CFAP20DC: variants seen among roughly 807,000 people sequenced by gnomAD.
CFAP20DC encodes the protein CFAP20 domain containing.
Under a neutral mutation model 101.7 loss-of-function variants are expected in CFAP20DC, and 84 were observed. The observed-to-expected ratio is 0.83, with a 90% CI of 0.69 to 0.99. The LOEUF (loss-of-function observed/expected upper bound fraction) is 0.99. Among genes scored for constraint, CFAP20DC ranks in the 50% least tolerant of loss-of-function variants. The pLI, the probability that CFAP20DC is intolerant of heterozygous loss-of-function variation, is 0.00. For synonymous variants in CFAP20DC, 359 were observed against 351.2 expected, an observed-to-expected ratio of 1.02 and a Z score of -0.25; for missense variants, 1,007 against 970.3, an observed-to-expected ratio of 1.04 and a Z score of -0.50.
chr3:58,756,279 C>T (rs1477208447), intron 15 of CFAP20DC, among the ~76,000 whole-genome samples: 3 of 152,086 alleles, frequency 2.0e-5, no homozygotes, highest in African/African-American at 7.2e-5. Flanking sequence ...TACCTACTTC[C>T]TGAATTATGG....
intron 13 of CFAP20DC, among the ~76,000 whole-genome samples, chr3:58,842,530 G>C (rs543680450): frequency 3.3e-5 from 5 of 151,508 alleles, no homozygotes; most frequent in South Asian, 2.1e-4. Flanking sequence ...ACGGAATCTC[G>C]CTGATTGCTA....
intron 5 of CFAP20DC, among the ~76,000 whole-genome samples, chr3:58,936,723 A>G (rs1033558559): frequency 6.6e-6 from 1 of 152,182 alleles, no homozygotes; most frequent in African/African-American, 2.4e-5. Context: ...GAATTGAACA[A>G]TGAGAACACA....
At chr3:59,035,592 C>T (rs1387629137) in intron 4 of CFAP20DC, among the ~76,000 whole-genome samples, 1 of 152,150 alleles carries the variant, frequency 6.6e-6, no homozygotes, top group Non-Finnish European at 1.5e-5. Flanking sequence ...ACTAGAAAAT[C>T]TAGAAGAAAT....
intron 15 of CFAP20DC, among the ~76,000 whole-genome samples, chr3:58,760,833 A>C (rs2069499324): frequency 6.6e-6 from 1 of 152,230 alleles, no homozygotes; most frequent in Non-Finnish European, 1.5e-5. Context: ...ATGCTGGATT[A>C]CATTTATTTA....
chr3:58,946,043 CTTACAG>C (rs2089310847), intron 4 of CFAP20DC, among the ~76,000 whole-genome samples: 1 of 150,798 alleles, frequency 6.6e-6, no homozygotes. Context: ...CCTTTGGTTT[CTTACAG>C]TTACAAAGTT....
intron 12 of CFAP20DC, among the ~76,000 whole-genome samples, chr3:58,852,554 C>G (rs907502599): frequency 7.2e-5 from 11 of 151,996 alleles, no homozygotes; most frequent in African/African-American, 2.7e-4. Flanking sequence ...CAGCACCACA[C>G]CTATTCCAAA....
rs1272790785 is a variant in CFAP20DC, at chr3:58,862,120, T to C, written c.1593+1438A>G. On this transcript the variant is annotated intron_variant, in intron 12 of 16. Coordinates refer to ENST00000482387, the MANE Select transcript of CFAP20DC (RefSeq NM_001394063.1). Reference sequence around the variant, plus strand: ...TATTTAAAGGGCAGATTATCCATAATACTTCTCTCATAGTTTTCCAGAGAA... The same window carrying C: ...TATTTAAAGGGCAGATTATCCATAACACTTCTCTCATAGTTTTCCAGAGAA... The C allele has an allele frequency of 1.4e-5, 13 of 942,766 alleles. No homozygotes were observed. In the Middle Eastern group the frequency reaches 1.6e-3, roughly 119 times the overall value. 58.4% of individuals were successfully genotyped at this position (942,766 alleles called of 1,614,324 possible).
intron 6 of CFAP20DC, among the ~76,000 whole-genome samples, chr3:58,910,656 A>G (rs1201378729): frequency 6.6e-6 from 1 of 152,044 alleles, no homozygotes; most frequent in Non-Finnish European, 1.5e-5. Context: ...GAATTTTGGG[A>G]AATCTTATAT....
rs915455121 is a variant in CFAP20DC, at chr3:59,001,352, T to C, written c.278+38205A>G. ...TAGAGGAAAGGGGGTGGTAATCTTA[T>C]GCTTAGGAGTTTGGCCTTTGAAACA... On this transcript the variant is annotated intron_variant, in intron 4 of 16. Coordinates refer to ENST00000482387, the MANE Select transcript of CFAP20DC (RefSeq NM_001394063.1). The surrounding 1 kb of genome is among the most constrained non-coding windows in gnomAD (Gnocchi z 4.5). Among the ~76,000 whole-genome samples the C allele has an allele frequency of 1.3e-5, 2 of 152,132 alleles. No individual in the cohort carries two copies. The highest frequency in any genetic ancestry group is 4.8e-5 in the African/African-American group (2 of 41,420).
chr3:58,789,318 T>TTTA lies in CFAP20DC; in HGVS notation c.2237+17076_2237+17077insTAA, dbSNP rs200662975. Among the ~76,000 whole-genome samples the TTTA allele has an allele frequency of 9.9e-3, 1,505 of 152,286 alleles. 24 individuals carry two copies. Among genetic ancestry groups the TTTA allele is most frequent in the African/African-American group, 0.035 (1,455 of 41,568 alleles). ...CTTTCTGTGGAATGATGGGACTTAA[T>TTTA]GGTGCAGAAAGAGTAGGTGGGATTT... On this transcript the variant is annotated intron_variant, in intron 15 of 16. Transcript: ENST00000482387.
intron 4 of CFAP20DC, among the ~76,000 whole-genome samples, chr3:59,029,005 CT>C (rs2093941309): frequency 6.6e-6 from 1 of 152,168 alleles, no homozygotes; most frequent in African/African-American, 2.4e-5. Flanking sequence ...TTAGTTCCCC[CT>C]AATACTTCAT....
chr3:58,861,789 T>C lies in CFAP20DC; in HGVS notation c.1593+1769A>G. On this transcript the variant is annotated intron_variant, in intron 12 of 16. Coordinates refer to ENST00000482387, the MANE Select transcript of CFAP20DC (RefSeq NM_001394063.1). The surrounding 1 kb of genome is among the most constrained non-coding windows in gnomAD (Gnocchi z 4.0). The stretch of plus-strand genomic sequence containing the variant: ...AATGGGATGGTCTCACCACAGACTC[T>C]AGCCGTATGCTACTGGTCACCTTGA... 3.0e-6 allele frequency: 3 copies of C among 985,458 alleles called. No homozygotes were observed. Among genetic ancestry groups the C allele is most frequent in the Non-Finnish European group, 3.6e-6 (3 of 829,948 alleles). The allele number at this position is 985,458 out of a possible 1,614,324, so 61.0% of individuals were successfully genotyped here. A position where few individuals can be genotyped will look rare whatever the true frequency, so the allele number is the denominator to read the frequency against.
At chr3:58,814,611 T>C (rs947635493) in intron 14 of CFAP20DC, among the ~76,000 whole-genome samples, 4 of 151,302 alleles carry the variant, frequency 2.6e-5, no homozygotes, top group East Asian at 1.9e-4. Context: ...GAAAACCCCA[T>C]TGTCTCAGCC....
intron 14 of CFAP20DC, among the ~76,000 whole-genome samples, chr3:58,815,236 T>C (rs527242226): frequency 2.0e-5 from 3 of 151,412 alleles, no homozygotes; most frequent in Non-Finnish European, 2.9e-5. Context: ...TTGACAAACC[T>C]GAGAAAAACA....
chr3:59,008,611 C>CA (rs919204978), intron 4 of CFAP20DC, among the ~76,000 whole-genome samples: 4 of 150,388 alleles, frequency 2.7e-5, no homozygotes, highest in Admixed American at 6.7e-5. Context: ...ATCACAAGGA[C>CA]AAAAAACCAA....
At chr3:58,737,204 G>A (rs935175122), downstream of CFAP20DC, 2 of 456,292 alleles carry the variant, frequency 4.4e-6, no homozygotes, top group Non-Finnish European at 8.8e-6. This position sits in a 1 kb window ranked among gnomAD's most constrained non-coding sequence, Gnocchi z 4.1. Context: ...GTTACAGCCT[G>A]GTCAGGAGTG....
chr3:58,777,277 G>A (rs1161714137), intron 15 of CFAP20DC, among the ~76,000 whole-genome samples: 1 of 152,062 alleles, frequency 6.6e-6, no homozygotes, highest in Non-Finnish European at 1.5e-5. Context: ...TTCCCTTTTT[G>A]GACGCAACCA....
Position 59,015,329 on chromosome 3 carries a change from A to G in CFAP20DC, c.278+24228T>C, listed in dbSNP as rs17060024. 0.019 allele frequency among the ~76,000 whole-genome samples: 2,909 copies of G among 152,104 alleles called. 85 individuals are homozygous for G. The highest frequency in any genetic ancestry group is 0.065 in the African/African-American group (2,710 of 41,496). On this transcript the variant is annotated intron_variant, in intron 4 of 16. Transcript: ENST00000482387. The surrounding 1 kb of genome is among the most constrained non-coding windows in gnomAD (Gnocchi z 5.4). The stretch of plus-strand genomic sequence containing the variant: ...AAGGAAGAGAAGCAGCTGGAGAGTG[A>G]TAAGAAATGAGAAGGAAAGGAAGAA...
intron 16 of CFAP20DC, 25 bp downstream of exon 16, chr3:58,753,744 T>G (rs1235963899): frequency 7.2e-7 from 1 of 1,386,668 alleles, no homozygotes; most frequent in East Asian, 2.3e-5. Flanking sequence ...TATTTTCTTA[T>G]GCATATCGTT....
Sources: gnomAD v4.1 joint callset for allele counts (sites outside exome capture counted in the v4.1 genomes callset) on GRCh38, gnomAD v4.1.1 for gene constraint, Gnocchi (gnomAD v3.1) non-coding constraint, MANE v1.5 for transcripts, NCBI Gene and HGNC (gene_info 2026-07-23, HGNC 2026-07-21) for gene names.